Variants in ZDHHC21 observed in about 807,000 individuals in gnomAD.
The protein encoded by ZDHHC21 is zDHHC palmitoyltransferase 21.
In ZDHHC21, 15 loss-of-function variants were observed where a neutral mutation model predicts 34.6. The observed-to-expected ratio is 0.43, with a 90% CI of 0.29 to 0.67. The LOEUF (loss-of-function observed/expected upper bound fraction) is 0.67. Among genes scored for constraint, ZDHHC21 ranks in the 30% least tolerant of loss-of-function variants. The probability of loss-of-function intolerance (pLI) is 0.14; values close to 1 mark genes in which losing one functional copy is unlikely to be tolerated. For synonymous variants in ZDHHC21, 142 were observed against 101.8 expected, an observed-to-expected ratio of 1.40 and a Z score of -2.38; for missense variants, 344 against 327.7, an observed-to-expected ratio of 1.05 and a Z score of -0.38.
At chr9:14,673,554 G>T (rs997768705) in intron 4 of ZDHHC21, among the ~76,000 whole-genome samples, 1 of 151,542 alleles carries the variant, frequency 6.6e-6, no homozygotes, top group Non-Finnish European at 1.5e-5. Flanking sequence ...TACTGTACAT[G>T]TAAAGGGAAT....
intron 1 of ZDHHC21, 78 bp downstream of exon 1, chr9:14,693,151 G>A (rs1410286737): frequency 3.4e-5 from 8 of 237,878 alleles, no homozygotes; most frequent in South Asian, 1.5e-4. Context: ...AGCGGAGCGG[G>A]GGCCGGGGAT....
intron 7 of ZDHHC21, among the ~76,000 whole-genome samples, chr9:14,640,274 G>C (rs1829088983): frequency 7.4e-6 from 1 of 135,310 alleles, no homozygotes; most frequent in Non-Finnish European, 1.5e-5. Context: ...TTAGGTGCAA[G>C]TTAGCCTTGT....
At chr9:14,638,900 T>C (rs575389285) in intron 8 of ZDHHC21, among the ~76,000 whole-genome samples, 14 of 152,112 alleles carry the variant, frequency 9.2e-5, no homozygotes, top group South Asian at 4.2e-4. Context: ...TTGTACACTG[T>C]TGGTGGGAAT....
intron 3 of ZDHHC21, 145 bp from the exon 4 acceptor site, chr9:14,674,530 T>G (rs1354391764): frequency 2.1e-6 from 1 of 486,354 alleles, no homozygotes; most frequent in Non-Finnish European, 3.5e-6. Context: ...TTATTGATAT[T>G]TCTTTGTATA....
the ZDHHC21 span, among the ~76,000 whole-genome samples, chr9:14,605,959 G>C: frequency 6.6e-6 from 1 of 151,972 alleles, no homozygotes; most frequent in East Asian, 1.9e-4. Context: ...AACTTCAAAT[G>C]GATTCAAGGG....
chr9:14,670,458 C>T (rs1835247204), intron 5 of ZDHHC21, among the ~76,000 whole-genome samples: 1 of 151,962 alleles, frequency 6.6e-6, no homozygotes, highest in Non-Finnish European at 1.5e-5. Flanking sequence ...TTTCTGGGTC[C>T]ATAAACAAAG....
In ZDHHC21 at chr9:14,674,383, A is replaced by T; in HGVS notation, c.-43T>A. The T allele has an allele frequency of 6.5e-7, 1 of 1,535,346 alleles. No individual in the cohort carries two copies. Among genetic ancestry groups the T allele is most frequent in the Non-Finnish European group, 8.7e-7 (1 of 1,147,838 alleles). On this transcript the variant is annotated splice_region_variant and 5_prime_UTR_variant, in exon 4 of 10. Coordinates refer to ENST00000380916, the MANE Select transcript of ZDHHC21 (RefSeq NM_178566.6). ...GCCTGCTAACCCACAAGGAAGGATG[A>T]TCCTAAGGAGAAGGAACAAAGAAAA... is the stretch of plus-strand genomic sequence containing the variant.
At chr9:14,683,619 G>C (rs959876028) in intron 2 of ZDHHC21, 2 of 152,094 alleles carry the variant, frequency 1.3e-5, no homozygotes, top group Non-Finnish European at 2.9e-5. Context: ...TTCTACCAGA[G>C]GTACAAGGAG....
chr9:14,670,470 T>C (rs1330491252), intron 5 of ZDHHC21, among the ~76,000 whole-genome samples: 1 of 152,172 alleles, frequency 6.6e-6, no homozygotes, highest in Non-Finnish European at 1.5e-5. Context: ...TAAACAAAGT[T>C]TGATGTACCC....
In ZDHHC21 at chr9:14,611,130, A is replaced by C. The variant is rs930447932; in HGVS notation, c.*7836T>G. The C allele has an allele frequency of 6.6e-6, 1 of 152,094 alleles. No homozygotes were observed. The highest frequency in any genetic ancestry group is 1.5e-5 in the Non-Finnish European group (1 of 67,948). 9.4% of individuals were successfully genotyped at this position (152,094 alleles called of 1,614,324 possible). On this transcript the variant is annotated 3_prime_UTR_variant, in exon 10 of 10. Transcript: ENST00000380916. ...TTTCAAAAAATACAGTACTTAATAC[A>C]TTTTGAGAAGTAAAAATTCCACAAT...
chr9:14,681,214 C>G (rs1837313903), intron 2 of ZDHHC21, among the ~76,000 whole-genome samples: 1 of 151,940 alleles, frequency 6.6e-6, no homozygotes. Context: ...GATGATATTG[C>G]TATTCTATTT....
At chr9:14,652,869 A>C (rs1326778322) in intron 7 of ZDHHC21, among the ~76,000 whole-genome samples, 1 of 152,024 alleles carries the variant, frequency 6.6e-6, no homozygotes, top group African/African-American at 2.4e-5. Flanking sequence ...CAAGAAAGTT[A>C]ACACTTTCTC....
intron 7 of ZDHHC21, among the ~76,000 whole-genome samples, chr9:14,640,863 G>A (rs1470968914): frequency 1.3e-5 from 2 of 151,982 alleles, no homozygotes; most frequent in South Asian, 2.1e-4. Flanking sequence ...ACACTGTGGT[G>A]GGAAGACAGA....
In ZDHHC21 at chr9:14,662,801, G is replaced by A. The variant is rs143433510; in HGVS notation, c.254-475C>T. Among the ~76,000 whole-genome samples, 414 of 152,254 alleles carry A rather than the reference G, an allele frequency of 2.7e-3. 11 individuals are homozygous for A. In the East Asian group the frequency reaches 0.071, roughly 26 times the overall value. Reference sequence around the variant, plus strand: ...ACCCTATAAACTCATCCGAAAAACAGATGGCATTTCCCTCCACATACACTT... The same window carrying A: ...ACCCTATAAACTCATCCGAAAAACAAATGGCATTTCCCTCCACATACACTT... On this transcript the variant is annotated intron_variant, in intron 5 of 9. Coordinates refer to ENST00000380916, the MANE Select transcript of ZDHHC21 (RefSeq NM_178566.6).
At position 14,613,582 on chromosome 9, in the gene ZDHHC21, T is replaced by C. The variant is rs939503556; in HGVS notation, c.*5384A>G. On this transcript the variant is annotated 3_prime_UTR_variant, in exon 10 of 10. Coordinates refer to ENST00000380916, the MANE Select transcript of ZDHHC21 (RefSeq NM_178566.6). ...TAAGCTATTTTGTCCGCATCTTTGTTTATATATAAAGCTATCGATACCAAA... is the reference window on the plus strand; with the variant it reads ...TAAGCTATTTTGTCCGCATCTTTGTCTATATATAAAGCTATCGATACCAAA... The C allele has an allele frequency of 2.0e-5, 3 of 151,820 alleles. No homozygotes were observed. Among genetic ancestry groups the C allele is most frequent in the African/African-American group, 7.2e-5 (3 of 41,410 alleles). 9.4% of individuals were successfully genotyped at this position (151,820 alleles called of 1,614,324 possible).
intron 2 of ZDHHC21, among the ~76,000 whole-genome samples, chr9:14,689,122 C>T (rs1838794248): frequency 6.6e-6 from 1 of 152,144 alleles, no homozygotes; most frequent in African/African-American, 2.4e-5. Context: ...GTGAACTAGT[C>T]AAAAAAACTT....
rs749269128 is a variant in ZDHHC21, at chr9:14,674,289, C to T, written c.52G>A (p.Gly18Ser). 6.3e-7 allele frequency: 1 copy of T among 1,594,996 alleles called. No homozygotes were observed. The highest frequency in any genetic ancestry group is 1.2e-5 in the South Asian group (1 of 86,744). The change falls in exon 4 of 10, where the codon GGT (glycine) becomes AGT (serine). Residue 18 changes from glycine to serine, a missense_variant. Coordinates refer to ENST00000380916, the MANE Select transcript of ZDHHC21 (RefSeq NM_178566.6). Reference sequence around the variant, plus strand: ...TATAACCAAACAAAGACAATCAAACCCATGCAGCACCAACCATGTGGGTCA... The same window carrying T: ...TATAACCAAACAAAGACAATCAAACTCATGCAGCACCAACCATGTGGGTCA... ...VVDPHGWCCM[G>S]LIVFVWLYNI... is the part of the protein sequence containing the mutation.
At chr9:14,597,362 A>G in the ZDHHC21 span, among the ~76,000 whole-genome samples, 1 of 152,104 alleles carries the variant, frequency 6.6e-6, no homozygotes, top group Non-Finnish European at 1.5e-5. Context: ...CCAGCACTCT[A>G]GCCCAAGCAG....
At chr9:14,594,968 G>A in the ZDHHC21 span, among the ~76,000 whole-genome samples, 77 of 152,086 alleles carry the variant, frequency 5.1e-4, no homozygotes, top group African/African-American at 1.8e-3. Context: ...AATTAAAACC[G>A]CAATGAAATG....
Sources: allele counts gnomAD v4.1 joint callset (sites outside exome capture counted in the v4.1 genomes callset), GRCh38; gene constraint gnomAD v4.1.1; transcripts MANE v1.5; gene names NCBI Gene and HGNC (gene_info 2026-07-23, HGNC 2026-07-21).